The following LRRC63 variants were observed in gnomAD, a reference collection of about 807,000 sequenced individuals.
The protein encoded by LRRC63 is leucine-rich repeat-containing protein 63.
Under a neutral mutation model 49.5 loss-of-function variants are expected in LRRC63, and 40 were observed. The ratio of observed to expected loss-of-function variants is 0.81; its 90% CI spans 0.63 to 1.05. The LOEUF (loss-of-function observed/expected upper bound fraction) is 1.05. Ranked by LOEUF, LRRC63 falls within the 50% of genes least tolerant of loss-of-function variation. The probability of loss-of-function intolerance (pLI) is 0.00; values close to 1 mark genes in which losing one functional copy is unlikely to be tolerated. For synonymous variants in LRRC63, 191 were observed against 221.1 expected, an observed-to-expected ratio of 0.86 and a Z score of 1.21; for missense variants, 636 against 663.1, an observed-to-expected ratio of 0.96 and a Z score of 0.45.
At chr13:46,254,508 C>CA (rs2047460748) in intron 7 of LRRC63, among the ~76,000 whole-genome samples, 1 of 151,978 alleles carries the variant, frequency 6.6e-6, no homozygotes, top group Admixed American at 6.6e-5. Flanking sequence ...TAAAAATGAA[C>CA]ATGTAAAATA....
chr13:46,269,578 C>A (rs2047726885), intron 9 of LRRC63, among the ~76,000 whole-genome samples: 1 of 151,830 alleles, frequency 6.6e-6, no homozygotes. Flanking sequence ...AACTTTAAAG[C>A]TTTTACAAGG....
chr13:46,259,917 T>A (rs1221498886), intron 7 of LRRC63, among the ~76,000 whole-genome samples: 2 of 152,198 alleles, frequency 1.3e-5, no homozygotes, highest in African/African-American at 4.8e-5. Flanking sequence ...GGGCTCTAGT[T>A]TAGGCAGCTC....
intron 5 of LRRC63, among the ~76,000 whole-genome samples, chr13:46,245,291 AT>A (rs1305824424): frequency 6.6e-6 from 1 of 152,194 alleles, no homozygotes; most frequent in African/African-American, 2.4e-5. Context: ...AAGAATTGAT[AT>A]GTGCAGTCAA....
intron 9 of LRRC63, chr13:46,270,124 G>A (rs1441451007): frequency 1.2e-5 from 8 of 674,948 alleles, no homozygotes; most frequent in Non-Finnish European, 1.9e-5. Context: ...CTTTGTTCGT[G>A]GATCAATACT....
intron 5 of LRRC63, among the ~76,000 whole-genome samples, chr13:46,244,606 C>A (rs1038556300): frequency 2.6e-5 from 4 of 152,026 alleles, no homozygotes; most frequent in East Asian, 1.9e-4. Context: ...CCTGTCTCTA[C>A]AAATTTTCTG....
intron 7 of LRRC63, among the ~76,000 whole-genome samples, chr13:46,260,052 A>T (rs928770550): frequency 6.6e-6 from 1 of 152,218 alleles, no homozygotes; most frequent in East Asian, 1.9e-4. Context: ...AGGCTGTCTG[A>T]ACAGATTTTC....
chr13:46,230,273 C>T (rs2046708936), intron 4 of LRRC63, among the ~76,000 whole-genome samples: 1 of 152,202 alleles, frequency 6.6e-6, no homozygotes, highest in Non-Finnish European at 1.5e-5. Context: ...AGTGCAAAGT[C>T]TCACGTGAGA....
In LRRC63 at chr13:46,276,584, T is replaced by C. The variant is rs2047840262; in HGVS notation, c.1551-6T>C. 3 of 1,221,452 alleles carry C rather than the reference T, an allele frequency of 2.5e-6. No homozygotes were observed. The highest frequency in any genetic ancestry group is 3.1e-6 in the Non-Finnish European group (3 of 978,752). The allele number at this position is 1,221,452 out of a possible 1,614,324, so 75.7% of individuals were successfully genotyped here. A position where few individuals can be genotyped will look rare whatever the true frequency, so the allele number is the denominator to read the frequency against. The stretch of plus-strand genomic sequence containing the variant: ...AAATATTGACTTGCTGTTTCCTCCA[T>C]TTCAGCACATCCAGGTGTGAATGGT... On this transcript the variant is annotated splice_region_variant and splice_polypyrimidine_tract_variant and intron_variant, in intron 9 of 9. Coordinates refer to ENST00000595396, the Ensembl canonical transcript of LRRC63.
chr13:46,266,802 C>A, exon 9 of LRRC63: 1 of 1,550,038 alleles, frequency 6.5e-7, no homozygotes, highest in Non-Finnish European at 8.7e-7. Flanking sequence ...TGAAGCTTAA[C>A]CTGACAAAAA....
At chr13:46,258,338 C>T (rs1319807071) in intron 7 of LRRC63, among the ~76,000 whole-genome samples, 13 of 149,640 alleles carry the variant, frequency 8.7e-5, no homozygotes, top group South Asian at 6.4e-4. Context: ...ACCATATTGG[C>T]CAGGCTGGTC....
chr13:46,272,272 C>G (rs779530696), intron 9 of LRRC63, among the ~76,000 whole-genome samples: 4 of 152,150 alleles, frequency 2.6e-5, no homozygotes, highest in Admixed American at 6.5e-5. Flanking sequence ...GATAAGAGGA[C>G]ACTACTGTAT....
chr13:46,251,393 A>G (rs998675253), intron 7 of LRRC63, among the ~76,000 whole-genome samples: 1 of 151,964 alleles, frequency 6.6e-6, no homozygotes, highest in Non-Finnish European at 1.5e-5. Flanking sequence ...AAAAGAAAGA[A>G]TAAACACTAA....
intron 8 of LRRC63, among the ~76,000 whole-genome samples, chr13:46,266,396 T>C (rs1043823631): frequency 1.3e-5 from 2 of 152,212 alleles, no homozygotes; most frequent in Admixed American, 6.5e-5. Context: ...TGAAAATATA[T>C]TCTGTGTATC....
intron 9 of LRRC63, among the ~76,000 whole-genome samples, chr13:46,273,661 T>G (rs1333258764): frequency 6.8e-6 from 1 of 147,476 alleles, no homozygotes; most frequent in Non-Finnish European, 1.5e-5. Flanking sequence ...GCCTGTAATC[T>G]CAACACTTTG....
chr13:46,248,907 ATAAATT>A (rs60414308), intron 6 of LRRC63, among the ~76,000 whole-genome samples: 50,730 of 151,208 alleles, frequency 0.34, 8,898 homozygotes, highest in African/African-American at 0.44. Context: ...ATCAGTCTCA[ATAAATT>A]TAAAAGGATT....
intron 8 of LRRC63, among the ~76,000 whole-genome samples, chr13:46,263,808 A>G (rs1164885582): frequency 6.6e-6 from 1 of 152,160 alleles, no homozygotes; most frequent in East Asian, 1.9e-4. Context: ...ATTTTAGTTC[A>G]TTCTCCTTTT....
chr13:46,228,777 G>A lies in LRRC63; in HGVS notation c.832+44G>A, dbSNP rs113075747. 5,694 of 1,294,744 alleles carry A rather than the reference G, an allele frequency of 4.4e-3. 207 individuals are homozygous for A. In the African/African-American group the frequency reaches 0.073, roughly 17 times the overall value. The allele number at this position is 1,294,744 out of a possible 1,614,324, so 80.2% of individuals were successfully genotyped here. A position where few individuals can be genotyped will look rare whatever the true frequency, so the allele number is the denominator to read the frequency against. ...CAATTCTTTTAGAAAATGTATGTAA[G>A]ATTATATCTTTAAAAAATTATGGGT... On this transcript the variant is annotated intron_variant, in intron 4 of 9. Coordinates refer to ENST00000595396, the Ensembl canonical transcript of LRRC63.
chr13:46,270,025 G>A (rs1404229621), intron 9 of LRRC63: 1 of 466,646 alleles, frequency 2.1e-6, no homozygotes, highest in South Asian at 2.2e-5. Context: ...TTCTATACAT[G>A]CATATCTATA....
chr13:46,228,644 A>G, intron 3 of LRRC63, 21 bp from the exon 4 acceptor site: 1 of 1,441,428 alleles, frequency 6.9e-7, no homozygotes, highest in Non-Finnish European at 9.5e-7. Flanking sequence ...AAGTCATCCC[A>G]TTTGTTTTTC....
Sources: allele counts gnomAD v4.1 joint callset (sites outside exome capture counted in the v4.1 genomes callset), GRCh38; gene constraint gnomAD v4.1.1; transcripts MANE v1.5; gene names NCBI Gene and HGNC (gene_info 2026-07-23, HGNC 2026-07-21).